The following STX2 variants were observed in gnomAD, a reference collection of about 807,000 sequenced individuals.
STX2 encodes the protein syntaxin 2, also known as syntaxin-2.
In STX2, 27 loss-of-function variants were observed where a neutral mutation model predicts 40.6. The ratio of observed to expected loss-of-function variants is 0.66; its 90% CI spans 0.49 to 0.92. STX2 has a LOEUF of 0.92. Ranked by LOEUF, STX2 falls within the 40% of genes least tolerant of loss-of-function variation. STX2 has a pLI of 0.00. For synonymous variants in STX2, 123 were observed against 119.1 expected (o/e 1.03, Z -0.22); for missense variants, 328 against 366.1 (o/e 0.90, Z 0.85).
At chr12:130,801,544 G>A (rs1298201601) in intron 6 of STX2, 56 bp from the exon 7 acceptor site, 4 of 1,476,750 alleles carry the variant, frequency 2.7e-6, no homozygotes, top group Non-Finnish European at 3.6e-6. Flanking sequence ...TAAAAACAAA[G>A]CCATTTGCAA....
intron 1 of STX2, among the ~76,000 whole-genome samples, chr12:130,828,595 G>A (rs895452148): frequency 4.0e-5 from 6 of 151,286 alleles, no homozygotes; most frequent in South Asian, 4.2e-4. Flanking sequence ...GGCCGGGCGC[G>A]GTGGCTCACA....
rs1175286444 is a variant in STX2 at position 130,801,484 on chromosome 12, C to G, written c.468G>C (p.Gly156=). ...GRIQRQLEIT[G]RTTTDDELEE... is the part of the protein sequence containing the mutation. ...CTAGCTCGTCGTCTGTGGTGGTTCTCCCAGCTGAAAGACCCGCAACCACAG... is the reference window on the plus strand; with the variant it reads ...CTAGCTCGTCGTCTGTGGTGGTTCTGCCAGCTGAAAGACCCGCAACCACAG... The change falls in exon 7 of 11, where the codon GGG becomes GGC. Residue 156 remains glycine (G), a synonymous_variant. Transcript: ENST00000392373. 5 of 1,599,324 alleles carry G rather than the reference C, an allele frequency of 3.1e-6. No homozygotes were observed. Among genetic ancestry groups the G allele is most frequent in the Admixed American group, 1.8e-5 (1 of 57,108 alleles).
rs901134828 is a variant in STX2, at chr12:130,819,155, C to T, written c.205+2534G>A. On this transcript the variant is annotated intron_variant, in intron 3 of 10. Coordinates refer to ENST00000392373, the MANE Select transcript of STX2 (RefSeq NM_194356.4). ...ACCGGCTGCCTCTGGCGCCACCTGGCGGCCGCCGTGCCCAGCCCTGCCCCG... is the reference window on the plus strand; with the variant it reads ...ACCGGCTGCCTCTGGCGCCACCTGGTGGCCGCCGTGCCCAGCCCTGCCCCG... Among the ~76,000 whole-genome samples, 17 of 152,266 alleles carry T rather than the reference C, an allele frequency of 1.1e-4. 1 individual carries two copies. The highest frequency in any genetic ancestry group is 3.8e-4 in the African/African-American group (16 of 41,572).
In STX2 at chr12:130,792,900, C is replaced by CT. The variant is rs945595626; in HGVS notation, c.*46-924dup. Among the ~76,000 whole-genome samples the CT allele has an allele frequency of 3.9e-5, 6 of 152,276 alleles. 1 individual carries two copies. Among genetic ancestry groups the CT allele is most frequent in the African/African-American group, 1.2e-4 (5 of 41,544 alleles). ...AACTTTTTTAAAATTAACAAGTATC[C>CT]TCACACAAGGCAAAGCGAGACCACC... On this transcript the variant is annotated intron_variant, in intron 10 of 10. Transcript: ENST00000392373.
At chr12:130,828,761 G>A (rs1159911218) in intron 1 of STX2, among the ~76,000 whole-genome samples, 6 of 151,410 alleles carry the variant, frequency 4.0e-5, no homozygotes, top group Non-Finnish European at 7.4e-5. Flanking sequence ...CCAGCTACTC[G>A]GGAGGCTGAG....
At chr12:130,802,716 G>A (rs1951279601) in intron 6 of STX2, among the ~76,000 whole-genome samples, 1 of 151,928 alleles carries the variant, frequency 6.6e-6, no homozygotes, top group African/African-American at 2.4e-5. Context: ...AGCTGGTCTT[G>A]AACTCCTGGC....
At chr12:130,833,633 A>C (rs1952655773) in intron 1 of STX2, among the ~76,000 whole-genome samples, 1 of 151,554 alleles carries the variant, frequency 6.6e-6, no homozygotes, top group African/African-American at 2.4e-5. Flanking sequence ...CTGATCTAGA[A>C]CTCCTGACCT....
In STX2 at chr12:130,801,110, A is replaced by G. The variant is rs79041436; in HGVS notation, c.675+43T>C. 6,134 of 1,571,872 alleles carry G rather than the reference A, an allele frequency of 3.9e-3. 198 individuals carry two copies. The African/African-American group carries it at 0.073, about 19-fold the overall frequency. The stretch of plus-strand genomic sequence containing the variant: ...AGTGGGATGCAGTAAGATTTTACAC[A>G]TGACTGATATCTCTCTTGGAGAATG... On this transcript the variant is annotated intron_variant, in intron 8 of 10. Coordinates refer to ENST00000392373, the MANE Select transcript of STX2 (RefSeq NM_194356.4).
intron 6 of STX2, among the ~76,000 whole-genome samples, chr12:130,803,659 T>C: frequency 1.4e-5 from 1 of 73,590 alleles, no homozygotes; most frequent in Admixed American, 2.3e-4. Context: ...AGCGTGAGGC[T>C]CTCTCTCAAA....
intron 3 of STX2, among the ~76,000 whole-genome samples, chr12:130,814,233 C>T (rs373086814): frequency 6.6e-6 from 1 of 152,142 alleles, no homozygotes; most frequent in South Asian, 2.1e-4. Context: ...AGGAGGCTAA[C>T]AAGACCGCCA....
intron 3 of STX2, among the ~76,000 whole-genome samples, chr12:130,817,824 T>A (rs989511187): frequency 9.9e-5 from 15 of 152,248 alleles, no homozygotes; most frequent in Middle Eastern, 6.8e-3. Flanking sequence ...AGTGAAAATA[T>A]CCTTCGAGAA....
intron 6 of STX2, 122 bp downstream of exon 6, chr12:130,806,860 T>C (rs572854293): frequency 3.4e-6 from 3 of 895,260 alleles, no homozygotes; most frequent in Non-Finnish European, 3.4e-6. Flanking sequence ...GAGTGGTCTT[T>C]GGGTTTTACA....
intron 1 of STX2, among the ~76,000 whole-genome samples, chr12:130,830,181 G>A (rs1234905247): frequency 5.3e-5 from 8 of 152,066 alleles, no homozygotes; most frequent in Admixed American, 1.3e-4. Flanking sequence ...CAAGACCATC[G>A]TGAGGCAAAT....
chr12:130,828,877 A>AAAAAG (rs1406640695), intron 1 of STX2, among the ~76,000 whole-genome samples: 1 of 149,374 alleles, frequency 6.7e-6, no homozygotes, highest in African/African-American at 2.5e-5. Context: ...CAAAAAAAAA[A>AAAAAG]AAAAGAAAAG....
intron 6 of STX2, 28 bp from the exon 7 acceptor site, chr12:130,801,516 T>A (rs1352146512): frequency 6.4e-7 from 1 of 1,569,842 alleles, no homozygotes. Context: ...ACAGCCCCAC[T>A]CAGAATGCAG....
At chr12:130,804,248 C>T (rs1448604905) in intron 6 of STX2, among the ~76,000 whole-genome samples, 5 of 152,050 alleles carry the variant, frequency 3.3e-5, no homozygotes, top group East Asian at 3.8e-4. Context: ...ACAGGGCTGA[C>T]GGAAGGAAGA....
chr12:130,794,101 T>C (rs1231115758), intron 10 of STX2, among the ~76,000 whole-genome samples: 4 of 152,220 alleles, frequency 2.6e-5, no homozygotes, highest in East Asian at 1.9e-4. Context: ...GCGCTACAAA[T>C]TGTAATTTTA....
intron 8 of STX2, among the ~76,000 whole-genome samples, chr12:130,799,889 G>GT (rs1280076386): frequency 6.6e-6 from 1 of 151,950 alleles, no homozygotes; most frequent in Non-Finnish European, 1.5e-5. Context: ...TCAAAATACA[G>GT]TGTTTCTTAA....
intron 8 of STX2, among the ~76,000 whole-genome samples, chr12:130,799,279 T>C (rs1951136684): frequency 1.3e-5 from 2 of 152,242 alleles, no homozygotes. Context: ...TCTCTGACTA[T>C]GCACACATTT....
Sources: allele counts gnomAD v4.1 joint callset (sites outside exome capture counted in the v4.1 genomes callset), GRCh38; gene constraint gnomAD v4.1.1; transcripts MANE v1.5; gene names NCBI Gene and HGNC (gene_info 2026-07-23, HGNC 2026-07-21).